Variants in PADI6 observed in about 807,000 individuals in gnomAD.
PADI6 encodes the protein inactive protein-arginine deiminase type-6.
Under a neutral mutation model 78.2 loss-of-function variants are expected in PADI6, and 66 were observed. The ratio of observed to expected loss-of-function variants is 0.84; its 90% confidence interval spans 0.69 to 1.04. The LOEUF (loss-of-function observed/expected upper bound fraction) is 1.04, where lower values mean the gene tolerates loss of function less well. PADI6 is among the 50% of genes least tolerant of loss of function. PADI6 has a pLI of 0.00. For synonymous variants in PADI6, 397 were observed against 346.9 expected, an observed-to-expected ratio of 1.14 and a Z score of -1.60; for missense variants, 854 against 866.1, an observed-to-expected ratio of 0.99 and a Z score of 0.18.
chr1:17,400,897 C>G (rs150108027), intron 15 of PADI6, among the ~76,000 whole-genome samples: 2 of 152,064 alleles, frequency 1.3e-5, no homozygotes, highest in African/African-American at 2.4e-5. Context: ...ACTGACAAAG[C>G]GGGGGTGGGG....
chr1:17,388,101 A>G (rs537979148), intron 6 of PADI6, among the ~76,000 whole-genome samples: 3 of 152,324 alleles, frequency 2.0e-5, no homozygotes, highest in Admixed American at 2.0e-4. Flanking sequence ...CACACCAGTC[A>G]GGAGCCTTGA....
chr1:17,379,269 T>A (rs575582174), intron 3 of PADI6, among the ~76,000 whole-genome samples: 1 of 148,890 alleles, frequency 6.7e-6, no homozygotes, highest in African/African-American at 2.6e-5. Flanking sequence ...GCCCGCCACC[T>A]CGCCCGGCTA....
chr1:17,382,099 G>C lies in PADI6; in HGVS notation c.679+7G>C. 5.0e-6 allele frequency: 8 copies of C among 1,613,156 alleles called. No individual in the cohort carries two copies. Among genetic ancestry groups the C allele is most frequent in the Non-Finnish European group, 6.8e-6 (8 of 1,179,426 alleles). On this transcript the variant is annotated splice_region_variant and intron_variant, in intron 6 of 15. Transcript: ENST00000619609. ...AGAGTCTACTGGCCCCAAAGTGAGT[G>C]TTCTTGTGCCAGCTCCAGCTTTGCC...
chr1:17,374,877 G>C (rs1012758215), intron 2 of PADI6, among the ~76,000 whole-genome samples: 2 of 152,130 alleles, frequency 1.3e-5, no homozygotes, highest in African/African-American at 4.8e-5. Flanking sequence ...TGGAGGGCAG[G>C]TCTCTTTCTA....
At chr1:17,375,401 A>G (rs1307250498) in intron 2 of PADI6, 26 bp from the exon 3 acceptor site, 5 of 1,599,484 alleles carry the variant, frequency 3.1e-6, no homozygotes, top group East Asian at 4.5e-5. Flanking sequence ...AACACTGCCT[A>G]TGGTTTCGGG....
At chr1:17,383,674 C>G (rs1184363662) in intron 6 of PADI6, among the ~76,000 whole-genome samples, 1 of 151,640 alleles carries the variant, frequency 6.6e-6, no homozygotes, top group African/African-American at 2.4e-5. Flanking sequence ...ATGGCGAAAC[C>G]CTGTCTCTAC....
rs145581827 is a variant in PADI6, at chr1:17,386,569, A to AG, written c.680-1808dup. ...GGCTGTGTCTGCACTGGGAAGTTGC[A>AG]GGGGTTCCTGGGGGAAGACTGCCTT... On this transcript the variant is annotated intron_variant, in intron 6 of 15. Coordinates refer to ENST00000619609, the MANE Select transcript of PADI6 (RefSeq NM_207421.4). Among the ~76,000 whole-genome samples the AG allele has an allele frequency of 5.6e-3, 858 of 152,306 alleles. 17 individuals carry two copies. The highest frequency in any genetic ancestry group is 0.019 in the African/African-American group (782 of 41,576).
intron 3 of PADI6, among the ~76,000 whole-genome samples, chr1:17,378,969 G>A (rs2075045306): frequency 6.7e-6 from 1 of 149,542 alleles, no homozygotes; most frequent in South Asian, 2.1e-4. Context: ...GGGGGGGACA[G>A]AATCTTGCTC....
chr1:17,400,600 G>A (rs989543748), intron 15 of PADI6, among the ~76,000 whole-genome samples: 32 of 152,168 alleles, frequency 2.1e-4, no homozygotes, highest in Non-Finnish European at 8.8e-5. Context: ...AGTACAAGAG[G>A]TCCTGGCTTC....
intron 3 of PADI6, 74 bp from the exon 4 acceptor site, chr1:17,379,846 A>C: frequency 4.4e-6 from 6 of 1,357,762 alleles, no homozygotes; most frequent in Non-Finnish European, 6.3e-6. Context: ...GCAGCCCCAC[A>C]GGAGATAACC....
At chr1:17,399,131 G>A (rs34548121) in intron 15 of PADI6, among the ~76,000 whole-genome samples, 31,446 of 152,116 alleles carry the variant, frequency 0.21, 3,498 homozygotes, top group Middle Eastern at 0.38. Flanking sequence ...GTCTAAAAGG[G>A]TGAACCTGTG....
At chr1:17,375,838 T>C (rs1461453545) in intron 3 of PADI6, among the ~76,000 whole-genome samples, 1 of 152,204 alleles carries the variant, frequency 6.6e-6, no homozygotes, top group Non-Finnish European at 1.5e-5. Context: ...GGTCCAAAGT[T>C]AGTCTTTCTT....
At chr1:17,388,014 C>T (rs2075138033) in intron 6 of PADI6, among the ~76,000 whole-genome samples, 2 of 152,170 alleles carry the variant, frequency 1.3e-5, no homozygotes. Context: ...GGGACAGTTT[C>T]TCACCTTTAG....
intron 9 of PADI6, among the ~76,000 whole-genome samples, chr1:17,393,581 C>T (rs182779369): frequency 3.5e-4 from 54 of 152,272 alleles, no homozygotes; most frequent in South Asian, 1.7e-3. Context: ...AGCTCCACTG[C>T]AGCCTCTGCC....
chr1:17,384,062 G>A (rs2075097594), intron 6 of PADI6, among the ~76,000 whole-genome samples: 1 of 151,488 alleles, frequency 6.6e-6, no homozygotes. Context: ...AGGCAGGAGT[G>A]AACCTGGGAG....
At chr1:17,391,395 T>C (rs2100314268) in intron 8 of PADI6, among the ~76,000 whole-genome samples, 1 of 152,262 alleles carries the variant, frequency 6.6e-6, no homozygotes, top group African/African-American at 2.4e-5. Context: ...AATTTCTGTA[T>C]TTCTAGTAGA....
chr1:17,400,970 C>T lies in PADI6; in HGVS notation c.1852-235C>T, dbSNP rs376838230. Among the ~76,000 whole-genome samples the T allele has an allele frequency of 3.9e-5, 6 of 152,308 alleles. No homozygotes were observed. The East Asian group carries it at 7.7e-4, about 20-fold the overall frequency. On this transcript the variant is annotated intron_variant, in intron 15 of 15. Transcript: ENST00000619609. Reference sequence around the variant, plus strand: ...CCAGGTGACAAGAGGCCAGAATAATCGAAACGTAGAAACTAGAGAAGTTGA... The same window carrying T: ...CCAGGTGACAAGAGGCCAGAATAATTGAAACGTAGAAACTAGAGAAGTTGA...
chr1:17,389,275 T>C (rs886474431), intron 8 of PADI6, among the ~76,000 whole-genome samples: 6 of 152,142 alleles, frequency 3.9e-5, no homozygotes, highest in African/African-American at 1.2e-4. Context: ...AGCAGAGCCC[T>C]GTGGGCCCTG....
chr1:17,397,262 C>T, intron 14 of PADI6, 121 bp downstream of exon 14: 2 of 1,051,658 alleles, frequency 1.9e-6, no homozygotes, highest in East Asian at 5.3e-5. Context: ...CAGCTGCCTG[C>T]CACCCTTTCT....
Sources: allele counts gnomAD v4.1 joint callset (sites outside exome capture counted in the v4.1 genomes callset), GRCh38; gene constraint gnomAD v4.1.1; transcripts MANE v1.5; gene names NCBI Gene and HGNC (gene_info 2026-07-23, HGNC 2026-07-21).